The following FGF12 variants were observed in gnomAD, a reference collection of about 807,000 sequenced individuals.
The protein encoded by FGF12 is fibroblast growth factor 12.
In FGF12, 14 loss-of-function variants were observed where a neutral mutation model predicts 23.6. The observed-to-expected ratio is 0.59, with a 90% CI of 0.39 to 0.93. The LOEUF is 0.93. Among genes scored for constraint, FGF12 ranks in the 40% least tolerant of loss-of-function variants. FGF12 has a pLI of 0.00. For missense variants in FGF12, 175 were observed against 217.8 expected, an observed-to-expected ratio of 0.80 and a Z score of 1.24; for synonymous variants, 62 against 77.3, an observed-to-expected ratio of 0.80 and a Z score of 1.04.
intron 2 of FGF12, among the ~76,000 whole-genome samples, chr3:192,477,543 A>C (rs1723361902): frequency 6.6e-6 from 1 of 152,220 alleles, no homozygotes; most frequent in Admixed American, 6.5e-5. Context: ...TTTATTCCCA[A>C]TGATTGTATA....
chr3:192,556,137 C>T (rs1424556094), intron 2 of FGF12, among the ~76,000 whole-genome samples: 1 of 151,920 alleles, frequency 6.6e-6, no homozygotes, highest in Non-Finnish European at 1.5e-5. Context: ...CAGAAAACAA[C>T]TAATAAAATG....
chr3:192,396,838 G>A (rs991040884), intron 2 of FGF12, among the ~76,000 whole-genome samples: 1 of 152,158 alleles, frequency 6.6e-6, no homozygotes, highest in East Asian at 1.9e-4. Context: ...AAGAAAACCA[G>A]CTTCAGACTG....
intron 2 of FGF12, among the ~76,000 whole-genome samples, chr3:192,636,405 A>T (rs572651482): frequency 6.6e-6 from 1 of 152,356 alleles, no homozygotes; most frequent in South Asian, 2.1e-4. Flanking sequence ...GGACATTTCC[A>T]TCGCTGCAGA....
intron 2 of FGF12, among the ~76,000 whole-genome samples, chr3:192,497,806 G>T (rs1267223575): frequency 2.0e-5 from 3 of 152,076 alleles, no homozygotes; most frequent in African/African-American, 7.2e-5. Flanking sequence ...CCCTCAATGG[G>T]TTTATTCTCT....
chr3:192,431,476 A>G (rs535262759), intron 2 of FGF12, among the ~76,000 whole-genome samples: 12 of 152,334 alleles, frequency 7.9e-5, no homozygotes, highest in South Asian at 6.2e-4. Context: ...TCTATTGCCA[A>G]TGTGACTAGA....
At chr3:192,163,131 G>T (rs1714970937) in intron 5 of FGF12, among the ~76,000 whole-genome samples, 1 of 152,106 alleles carries the variant, frequency 6.6e-6, no homozygotes, top group Non-Finnish European at 1.5e-5. Flanking sequence ...ACTTAGCAAG[G>T]CTGCTCTGCC....
intron 2 of FGF12, among the ~76,000 whole-genome samples, chr3:192,564,855 T>G (rs1415431521): frequency 6.6e-6 from 1 of 152,238 alleles, no homozygotes; most frequent in Non-Finnish European, 1.5e-5. Flanking sequence ...CAGAATTCCC[T>G]TAAGAATGTA....
intron 2 of FGF12, among the ~76,000 whole-genome samples, chr3:192,596,192 G>C (rs974055450): frequency 7.3e-6 from 1 of 136,474 alleles, no homozygotes; most frequent in Non-Finnish European, 1.6e-5. Flanking sequence ...CATTTCTCAT[G>C]ATGCCTACTC....
chr3:192,711,961 A>T (rs1466225343), intron 2 of FGF12, among the ~76,000 whole-genome samples: 3 of 150,784 alleles, frequency 2.0e-5, no homozygotes, highest in Non-Finnish European at 2.9e-5. Context: ...AAAAAAAAAA[A>T]ATGTAAATCA....
At chr3:192,571,562 T>C (rs994939041) in intron 2 of FGF12, among the ~76,000 whole-genome samples, 2 of 152,186 alleles carry the variant, frequency 1.3e-5, no homozygotes, top group Non-Finnish European at 2.9e-5. Context: ...AAGCTTTCAG[T>C]ATCCAACTTA....
intron 4 of FGF12, among the ~76,000 whole-genome samples, chr3:192,253,983 T>G (rs1045401841): frequency 6.6e-6 from 1 of 152,044 alleles, no homozygotes; most frequent in African/African-American, 2.4e-5. Context: ...GTTGAATGGC[T>G]AAATGGAGCT....
At chr3:192,359,283 G>A (rs1415196498) in intron 3 of FGF12, among the ~76,000 whole-genome samples, 1 of 152,114 alleles carries the variant, frequency 6.6e-6, no homozygotes, top group Non-Finnish European at 1.5e-5. Context: ...TAGAAAGGGT[G>A]GACAAGGGCA....
At chr3:192,287,795 C>T (rs1184330806) in intron 4 of FGF12, among the ~76,000 whole-genome samples, 1 of 152,032 alleles carries the variant, frequency 6.6e-6, no homozygotes, top group African/African-American at 2.4e-5. Context: ...TTTTGAGATG[C>T]TCACTGTCTA....
At chr3:192,619,615 G>T (rs1243855305) in intron 2 of FGF12, among the ~76,000 whole-genome samples, 1 of 152,092 alleles carries the variant, frequency 6.6e-6, no homozygotes, top group African/African-American at 2.4e-5. Context: ...TCTTGCTCAG[G>T]TATGAGATTT....
At chr3:192,175,432 CTA>C (rs901101261) in intron 4 of FGF12, among the ~76,000 whole-genome samples, 8 of 152,130 alleles carry the variant, frequency 5.3e-5, no homozygotes, top group Non-Finnish European at 8.8e-5. Flanking sequence ...GTGTTCTATT[CTA>C]TGTCATGTGT....
chr3:192,554,055 C>T (rs1711649032), intron 2 of FGF12, among the ~76,000 whole-genome samples: 1 of 151,814 alleles, frequency 6.6e-6, no homozygotes, highest in African/African-American at 2.4e-5. Context: ...TTTCAAGGGA[C>T]TGCCCGAAGG....
At chr3:192,597,413 G>C (rs1339162440) in intron 2 of FGF12, among the ~76,000 whole-genome samples, 1 of 152,146 alleles carries the variant, frequency 6.6e-6, no homozygotes, top group Non-Finnish European at 1.5e-5. Flanking sequence ...ATCATGGCAG[G>C]TGATTTAAAT....
intron 2 of FGF12, among the ~76,000 whole-genome samples, chr3:192,499,794 C>A (rs778559943): frequency 6.6e-6 from 1 of 151,330 alleles, no homozygotes; most frequent in African/African-American, 2.4e-5. Flanking sequence ...GTGATCCGCC[C>A]GCCTCAGCCT....
chr3:192,201,125 G>A (rs1717346531), intron 4 of FGF12, among the ~76,000 whole-genome samples: 1 of 152,206 alleles, frequency 6.6e-6, no homozygotes, highest in Non-Finnish European at 1.5e-5. Flanking sequence ...GGTTAACACT[G>A]GATCCTTAGG....
Sources: allele counts gnomAD v4.1 joint callset (sites outside exome capture counted in the v4.1 genomes callset), GRCh38; gene constraint gnomAD v4.1.1; transcripts MANE v1.5; gene names NCBI Gene and HGNC (gene_info 2026-07-23, HGNC 2026-07-21).